The following EPHA7 variants were observed in gnomAD, a reference collection of about 807,000 sequenced individuals.
The protein encoded by EPHA7 is EPH receptor A7.
In EPHA7, 25 loss-of-function variants were observed where a neutral mutation model predicts 112.6. The observed-to-expected ratio is 0.22, with a 90% CI of 0.16 to 0.31. EPHA7 has a LOEUF of 0.31. Ranked by LOEUF, EPHA7 falls within the 10% of genes least tolerant of loss-of-function variation. EPHA7 has a pLI of 1.00. For missense variants in EPHA7, 962 were observed against 1,212.6 expected, an observed-to-expected ratio of 0.79 and a Z score of 3.07; for synonymous variants, 437 against 406.5, an observed-to-expected ratio of 1.07 and a Z score of -0.90.
In EPHA7 at chr6:93,415,081, G is replaced by A. The variant is rs532330347; in HGVS notation, c.98-314C>T. Reference sequence around the variant, plus strand: ...TAATTCCACAGTAATTATATATTACGGTTTTGTAAACCATTGAGCTGTTCA... The same window carrying A: ...TAATTCCACAGTAATTATATATTACAGTTTTGTAAACCATTGAGCTGTTCA... On this transcript the variant is annotated intron_variant, in intron 1 of 16. Coordinates refer to ENST00000369303, the MANE Select transcript of EPHA7 (RefSeq NM_004440.4). Among the ~76,000 whole-genome samples the A allele has an allele frequency of 1.1e-4, 17 of 151,894 alleles. No individual in the cohort carries two copies. The South Asian group carries it at 2.3e-3, about 20-fold the overall frequency.
chr6:93,405,978 T>C (rs559776382), intron 3 of EPHA7, among the ~76,000 whole-genome samples: 192 of 150,152 alleles, frequency 1.3e-3, no homozygotes, highest in African/African-American at 4.3e-3. Context: ...AATTTAAATA[T>C]TGCTGATGCT....
Position 93,269,528 on chromosome 6 carries a change from G to C in EPHA7, c.1582C>G (p.Pro528Ala). The change falls in exon 7 of 17, where the codon CCC (proline) becomes GCC (alanine). Residue 528 changes from proline (P) to alanine (A), a missense_variant. Around this residue, in one of 3 missense-constraint regions of EPHA7, gnomAD observed 746 missense variants for 889.2 expected, o/e 0.84. Transcript: ENST00000369303. Reference sequence around the variant, plus strand: ...TCTAGTGTAGCAACATCAAGTCTGGGACTGTAATTTCCATAACCAGCAGCA... The same window carrying C: ...TCTAGTGTAGCAACATCAAGTCTGGCACTGTAATTTCCATAACCAGCAGCA... ...FTAAGYGNYS[P>A]RLDVATLEEA... is the part of the protein sequence containing the mutation. 1 of 1,611,142 alleles carries C rather than the reference G, an allele frequency of 6.2e-7. No individual in the cohort carries two copies.
At chr6:93,342,852 C>A (rs1472668574) in intron 5 of EPHA7, among the ~76,000 whole-genome samples, 1 of 151,610 alleles carries the variant, frequency 6.6e-6, no homozygotes, top group South Asian at 2.1e-4. Flanking sequence ...ACATGTTATT[C>A]ATTTGCCTAC....
intron 15 of EPHA7, among the ~76,000 whole-genome samples, 154 bp downstream of exon 15, chr6:93,246,638 G>T (rs1180414496): frequency 2.0e-5 from 3 of 151,942 alleles, no homozygotes; most frequent in Admixed American, 6.6e-5. Context: ...TAACTGAAAA[G>T]AAAAAAATAA....
At chr6:93,389,794 T>C (rs1228149524) in intron 3 of EPHA7, among the ~76,000 whole-genome samples, 2 of 151,964 alleles carry the variant, frequency 1.3e-5, no homozygotes, top group African/African-American at 4.8e-5. Flanking sequence ...TCCACAGCAC[T>C]ATTCAACAAT....
At chr6:93,296,276 C>T (rs1562077014) in intron 5 of EPHA7, among the ~76,000 whole-genome samples, 1 of 150,992 alleles carries the variant, frequency 6.6e-6, no homozygotes, top group East Asian at 1.9e-4. Flanking sequence ...CCCAGCAATC[C>T]CTCTTCTGGG....
chr6:93,358,264 G>C lies in EPHA7; in HGVS notation c.980C>G (p.Ala327Gly). ...YRAPSDPPYVACTRPPSAPQN... is the reference protein window; with the variant it reads ...YRAPSDPPYVGCTRPPSAPQN... ...TTCATAATACAACTCACTTGTGCACGCAACGTATGGTGGGTCAGATGGAGC... is the reference window on the plus strand; with the variant it reads ...TTCATAATACAACTCACTTGTGCACCCAACGTATGGTGGGTCAGATGGAGC... Residue 327 changes from alanine (A) to glycine (G), a missense_variant, in exon 4 of 17, where the codon GCG (alanine) becomes GGG (glycine). By Grantham distance (60) the Ala-to-Gly change is moderately conservative. Coordinates refer to ENST00000369303, the MANE Select transcript of EPHA7 (RefSeq NM_004440.4). 5 of 1,607,296 alleles carry C rather than the reference G, an allele frequency of 3.1e-6. No homozygotes were observed. The highest frequency in any genetic ancestry group is 4.3e-6 in the Non-Finnish European group (5 of 1,176,338).
chr6:93,253,044 C>T (rs17447037), intron 14 of EPHA7, among the ~76,000 whole-genome samples: 15,873 of 151,908 alleles, frequency 0.1, 1,099 homozygotes, highest in Non-Finnish European at 0.15. Flanking sequence ...TAAGTGAACT[C>T]TGAATTTGTC....
At chr6:93,253,433 C>T (rs541362378) in intron 14 of EPHA7, among the ~76,000 whole-genome samples, 3 of 146,274 alleles carry the variant, frequency 2.1e-5, no homozygotes, top group South Asian at 4.7e-4. Context: ...TCAAAAATAA[C>T]CTTATCAACA....
chr6:93,247,856 C>A (rs1004630790), intron 14 of EPHA7, among the ~76,000 whole-genome samples: 1 of 151,976 alleles, frequency 6.6e-6, no homozygotes, highest in Non-Finnish European at 1.5e-5. Flanking sequence ...GAAAAATAGG[C>A]CCCTATAAAC....
At chr6:93,319,651 G>A (rs1773972227) in intron 5 of EPHA7, among the ~76,000 whole-genome samples, 1 of 152,084 alleles carries the variant, frequency 6.6e-6, no homozygotes, top group South Asian at 2.1e-4. Context: ...AGAACTGGAT[G>A]TAGAGTCAAG....
intron 3 of EPHA7, among the ~76,000 whole-genome samples, chr6:93,381,128 G>A (rs543127728): frequency 6.6e-6 from 1 of 152,098 alleles, no homozygotes; most frequent in Non-Finnish European, 1.5e-5. Flanking sequence ...CAGTTATCGG[G>A]TATATTTATT....
At chr6:93,384,419 C>T (rs974147710) in intron 3 of EPHA7, among the ~76,000 whole-genome samples, 1 of 152,122 alleles carries the variant, frequency 6.6e-6, no homozygotes. Context: ...TTATGCCCTC[C>T]TTAAGAATTC....
intron 3 of EPHA7, among the ~76,000 whole-genome samples, chr6:93,406,251 T>C (rs1290158379): frequency 6.6e-6 from 1 of 151,702 alleles, no homozygotes; most frequent in East Asian, 1.9e-4. Flanking sequence ...ATTTCTATAT[T>C]CTGATATATG....
At chr6:93,389,333 T>C (rs748165673) in intron 3 of EPHA7, among the ~76,000 whole-genome samples, 1 of 152,078 alleles carries the variant, frequency 6.6e-6, no homozygotes, top group African/African-American at 2.4e-5. Context: ...CCTCTTGAAA[T>C]AGATACTGCT....
intron 5 of EPHA7, among the ~76,000 whole-genome samples, chr6:93,328,270 T>C: frequency 6.6e-6 from 1 of 151,550 alleles, no homozygotes; most frequent in East Asian, 1.9e-4. Context: ...CAACATCATC[T>C]AATTTTTTAT....
intron 5 of EPHA7, among the ~76,000 whole-genome samples, chr6:93,295,111 G>GGA (rs145804462): frequency 1.3e-5 from 2 of 151,432 alleles, no homozygotes; most frequent in African/African-American, 2.4e-5. Context: ...GGGAGAATGG[G>GGA]GAGAGAGAGA....
In EPHA7 at chr6:93,419,423, T is replaced by C; in HGVS notation, c.-82A>G. 1.8e-6 allele frequency: 2 copies of C among 1,141,236 alleles called. No homozygotes were observed. The highest frequency in any genetic ancestry group is 2.5e-5 in the East Asian group (1 of 40,448). 70.7% of individuals were successfully genotyped at this position (1,141,236 alleles called of 1,614,324 possible). A position where few individuals can be genotyped will look rare whatever the true frequency, so the allele number is the denominator to read the frequency against. ...ATGCTGTTTGTTCCGAAGTAGCTTT[T>C]GTTTTATTGTGCTCCTTGCATCGAT... is the stretch of plus-strand genomic sequence containing the variant. On this transcript the variant is annotated 5_prime_UTR_variant, in exon 1 of 17. Coordinates refer to ENST00000369303, the MANE Select transcript of EPHA7 (RefSeq NM_004440.4).
chr6:93,406,340 A>T lies in EPHA7; in HGVS notation c.832+4161T>A, dbSNP rs527838242. Among the ~76,000 whole-genome samples, 134 of 150,866 alleles carry T rather than the reference A, an allele frequency of 8.9e-4. 1 individual carries two copies. The East Asian group carries it at 0.01, about 11-fold the overall frequency. On this transcript the variant is annotated intron_variant, in intron 3 of 16. Coordinates refer to ENST00000369303, the MANE Select transcript of EPHA7 (RefSeq NM_004440.4). ...TTACAAGTAGGATTATCATCCAAAT[A>T]AAAAAAAACATTTTTCAAAGCAAAA...
Sources: gnomAD v4.1 joint callset for allele counts (sites outside exome capture counted in the v4.1 genomes callset) on GRCh38, gnomAD v4.1.1 for gene constraint, gnomAD v4.1.1 regional missense constraint, MANE v1.5 for transcripts, NCBI Gene and HGNC (gene_info 2026-07-23, HGNC 2026-07-21) for gene names.